PHF21A: variants seen among roughly 807,000 people sequenced by gnomAD.
The protein encoded by PHF21A is PHD finger protein 21A.
PHF21A carries 11 observed loss-of-function variants against 82.5 expected under a neutral mutation model. The ratio of observed to expected loss-of-function variants is 0.13; its 90% CI spans 0.08 to 0.22. PHF21A has a LOEUF of 0.22. Ranked by LOEUF, PHF21A falls within the 10% of genes least tolerant of loss-of-function variation. PHF21A has a pLI of 1.00. For missense variants in PHF21A, 579 were observed against 837.8 expected, an observed-to-expected ratio of 0.69 and a Z score of 3.81; for synonymous variants, 297 against 302.8, an observed-to-expected ratio of 0.98 and a Z score of 0.20.
intron 6 of PHF21A, among the ~76,000 whole-genome samples, chr11:46,028,828 T>A (rs1215173682): frequency 6.6e-6 from 1 of 152,184 alleles, no homozygotes; most frequent in Non-Finnish European, 1.5e-5. Flanking sequence ...CGCCTCGGCC[T>A]CCCAAAGTGC....
At chr11:46,060,668 T>C (rs1405490308) in intron 6 of PHF21A, among the ~76,000 whole-genome samples, 3 of 152,238 alleles carry the variant, frequency 2.0e-5, no homozygotes, top group Non-Finnish European at 4.4e-5. Context: ...GTAATGGGAC[T>C]GTTTTTTTCT....
intron 1 of PHF21A, among the ~76,000 whole-genome samples, chr11:46,108,226 T>C (rs568081507): frequency 7.9e-5 from 12 of 152,312 alleles, no homozygotes; most frequent in African/African-American, 2.9e-4. Flanking sequence ...TCTTTATAAG[T>C]AGCTACTAGA....
rs2096911415 is a variant in PHF21A at position 46,090,498 on chromosome 11, T to C, written c.-127A>G. 1 of 152,200 alleles carries C rather than the reference T, an allele frequency of 6.6e-6. No individual in the cohort carries two copies. Among genetic ancestry groups the C allele is most frequent in the Admixed American group, 6.5e-5 (1 of 15,280 alleles). 9.4% of individuals were successfully genotyped at this position (152,200 alleles called of 1,614,324 possible). On this transcript the variant is annotated 5_prime_UTR_variant, in exon 3 of 19. Coordinates refer to ENST00000676320, the MANE Select transcript of PHF21A (RefSeq NM_001352027.3). ...CCCTGTCATTAGAAGTATTCAAGAA[T>C]GCTGCATATCATATCCCCCTCTTGG...
rs2093654493 is a variant in PHF21A, at chr11:45,969,919, A to G, written c.613-15T>C. The G allele has an allele frequency of 6.4e-7, 1 of 1,560,786 alleles. No homozygotes were observed. Among genetic ancestry groups the G allele is most frequent in the African/African-American group, 1.4e-5 (1 of 74,030 alleles). ...GCCTGAACCTGCTAAAAAATGAGGA[A>G]GATAAATAAACCAGAGAGAACAATT... On this transcript the variant is annotated splice_polypyrimidine_tract_variant and intron_variant, in intron 8 of 18. Coordinates refer to ENST00000676320, the MANE Select transcript of PHF21A (RefSeq NM_001352027.3).
chr11:45,978,433 T>C (rs2094140728), intron 7 of PHF21A, among the ~76,000 whole-genome samples: 1 of 152,220 alleles, frequency 6.6e-6, no homozygotes, highest in South Asian at 2.1e-4. Flanking sequence ...TACAGTAACC[T>C]CTATTAAATG....
chr11:46,004,840 A>G (rs1455596756), intron 6 of PHF21A, among the ~76,000 whole-genome samples: 1 of 152,160 alleles, frequency 6.6e-6, no homozygotes, highest in Non-Finnish European at 1.5e-5. Flanking sequence ...CCTCTCTCCC[A>G]TTCACTACAC....
intron 10 of PHF21A, among the ~76,000 whole-genome samples, chr11:45,958,257 ACT>A (rs1324728323): frequency 6.7e-6 from 1 of 150,212 alleles, no homozygotes; most frequent in Non-Finnish European, 1.5e-5. Flanking sequence ...GGCCAGCACT[ACT>A]CTGATACCAA....
intron 6 of PHF21A, among the ~76,000 whole-genome samples, chr11:46,039,130 G>A (rs2096072996): frequency 6.6e-6 from 1 of 152,154 alleles, no homozygotes; most frequent in South Asian, 2.1e-4. Flanking sequence ...CTTTTATTCT[G>A]AAGGTAATGA....
chr11:46,009,331 T>C (rs1565516755), intron 6 of PHF21A, among the ~76,000 whole-genome samples: 1 of 152,138 alleles, frequency 6.6e-6, no homozygotes, highest in Admixed American at 6.6e-5. Context: ...GAGTACCTTT[T>C]TTCTTTCACC....
intron 6 of PHF21A, among the ~76,000 whole-genome samples, chr11:45,989,936 G>A (rs2094625158): frequency 1.3e-5 from 2 of 151,948 alleles, no homozygotes; most frequent in Non-Finnish European, 2.9e-5. Flanking sequence ...AGGCTGCAGT[G>A]AGCCATGATC....
chr11:45,958,953 G>T (rs1400262406), intron 10 of PHF21A, among the ~76,000 whole-genome samples: 1 of 151,980 alleles, frequency 6.6e-6, no homozygotes, highest in East Asian at 1.9e-4. Flanking sequence ...GAAAATTACA[G>T]ACCAATATCC....
At chr11:46,075,942 C>G (rs779317310) in intron 6 of PHF21A, among the ~76,000 whole-genome samples, 2 of 152,174 alleles carry the variant, frequency 1.3e-5, no homozygotes. Flanking sequence ...CATGAAATAT[C>G]AACTGCAAAT....
chr11:46,115,181 G>GA (rs2136115855), intron 1 of PHF21A, among the ~76,000 whole-genome samples: 1 of 152,226 alleles, frequency 6.6e-6, no homozygotes, highest in African/African-American at 2.4e-5. Flanking sequence ...AGAAGTGGAG[G>GA]AGTATTCAAA....
At position 45,935,770 on chromosome 11, in the gene PHF21A, G is replaced by C. The variant is rs375497452; in HGVS notation, c.1685-31C>G. ...AAAAAAAAAAAAAAAAAAAAGGAAC[G>C]GTTTTTGACAATTAATTCTTTGAAA... On this transcript the variant is annotated intron_variant, in intron 17 of 18. Coordinates refer to ENST00000676320, the MANE Select transcript of PHF21A (RefSeq NM_001352027.3). The C allele has an allele frequency of 1.2e-5, 11 of 942,714 alleles. No individual in the cohort carries two copies. The African/African-American group carries it at 1.7e-4, about 14-fold the overall frequency. The allele number at this position is 942,714 out of a possible 1,614,324, so 58.4% of individuals were successfully genotyped here.
At chr11:45,991,938 T>A (rs2094717537) in intron 6 of PHF21A, among the ~76,000 whole-genome samples, 1 of 152,134 alleles carries the variant, frequency 6.6e-6, no homozygotes, top group Non-Finnish European at 1.5e-5. Flanking sequence ...CGTGAACATG[T>A]AAACTGATGA....
intron 2 of PHF21A, 139 bp downstream of exon 2, chr11:46,092,044 C>T (rs1455731384): frequency 1.3e-5 from 2 of 151,730 alleles, no homozygotes; most frequent in African/African-American, 4.8e-5. Flanking sequence ...CAATTCATTT[C>T]CACTTAGTGC....
At position 45,979,896 on chromosome 11, in the gene PHF21A, T is replaced by C; in HGVS notation, c.224A>G (p.Gln75Arg). ...TTTGTTTTCAGATTGTGGCAATGGC[T>C]GTATTTGGAACTTGTCCGGTTGTTC... ...KQEQPDKFQIQPLPQSENKLQ... is the reference protein window; with the variant it reads ...KQEQPDKFQIRPLPQSENKLQ... Residue 75 changes from glutamine (Q) to arginine (R), a missense_variant, in exon 7 of 19, where the codon CAG becomes CGG. Transcript: ENST00000676320. 1 of 1,614,228 alleles carries C rather than the reference T, an allele frequency of 6.2e-7. No homozygotes were observed. Among genetic ancestry groups the C allele is most frequent in the Non-Finnish European group, 8.5e-7 (1 of 1,180,034 alleles).
chr11:46,047,761 T>G (rs554971045), intron 6 of PHF21A, among the ~76,000 whole-genome samples: 1 of 152,318 alleles, frequency 6.6e-6, no homozygotes, highest in African/African-American at 2.4e-5. Context: ...TTTTTCTTTG[T>G]GTCAATTTCA....
chr11:46,059,429 T>A (rs1357149703), intron 6 of PHF21A, among the ~76,000 whole-genome samples: 5 of 152,132 alleles, frequency 3.3e-5, no homozygotes, highest in South Asian at 2.1e-4. Flanking sequence ...CAATTTTTTT[T>A]ATTTATTTAT....
Sources: gnomAD v4.1 joint callset for allele counts (sites outside exome capture counted in the v4.1 genomes callset) on GRCh38, gnomAD v4.1.1 for gene constraint, MANE v1.5 for transcripts, NCBI Gene and HGNC (gene_info 2026-07-23, HGNC 2026-07-21) for gene names.